The following ITFG1 variants were observed in gnomAD, a reference collection of about 807,000 sequenced individuals.
The protein encoded by ITFG1 is integrin alpha FG-GAP repeat containing 1, also known as T-cell immunomodulatory protein.
Under a neutral mutation model 81.8 loss-of-function variants are expected in ITFG1, and 34 were observed. The ratio of observed to expected loss-of-function variants is 0.42; its 90% CI spans 0.32 to 0.55. The LOEUF is 0.55. ITFG1 is among the 20% of genes least tolerant of loss of function. The pLI, the probability that ITFG1 is intolerant of heterozygous loss-of-function variation, is 0.17. For missense variants in ITFG1, 672 were observed against 755.4 expected (o/e 0.89, Z 1.29); for synonymous variants, 285 against 270.6 (o/e 1.05, Z -0.52).
chr16:47,319,003 T>C (rs1967408335), intron 8 of ITFG1, among the ~76,000 whole-genome samples: 1 of 152,210 alleles, frequency 6.6e-6, no homozygotes, highest in Non-Finnish European at 1.5e-5. Flanking sequence ...TAAAGCCATA[T>C]CAATGAATTT....
chr16:47,282,484 A>C (rs1179655261), intron 10 of ITFG1, among the ~76,000 whole-genome samples: 1 of 152,082 alleles, frequency 6.6e-6, no homozygotes, highest in East Asian at 1.9e-4. Context: ...TTTTTTATCC[A>C]ATCATCTGTT....
At chr16:47,257,040 C>G (rs1024635100) in intron 12 of ITFG1, among the ~76,000 whole-genome samples, 1 of 152,178 alleles carries the variant, frequency 6.6e-6, no homozygotes, top group Non-Finnish European at 1.5e-5. Flanking sequence ...AACTCTATAG[C>G]TAATATAACA....
chr16:47,398,119 G>T (rs1158234647), intron 6 of ITFG1, among the ~76,000 whole-genome samples: 1 of 152,194 alleles, frequency 6.6e-6, no homozygotes, highest in Non-Finnish European at 1.5e-5. Context: ...CAGTAGGCTA[G>T]CTTGAAATTC....
intron 10 of ITFG1, among the ~76,000 whole-genome samples, chr16:47,261,176 G>A (rs1966205858): frequency 6.6e-6 from 1 of 152,178 alleles, no homozygotes; most frequent in African/African-American, 2.4e-5. Context: ...AGCATCATAC[G>A]TTGCATAGCC....
At chr16:47,282,136 G>T (rs897434201) in intron 10 of ITFG1, among the ~76,000 whole-genome samples, 1 of 151,496 alleles carries the variant, frequency 6.6e-6, no homozygotes, top group Admixed American at 6.6e-5. Context: ...CAGTACAGTA[G>T]TATATATTGT....
chr16:47,397,425 C>T (rs1444636270), intron 6 of ITFG1, among the ~76,000 whole-genome samples: 1 of 152,102 alleles, frequency 6.6e-6, no homozygotes, highest in Non-Finnish European at 1.5e-5. Context: ...AAAACAGTAA[C>T]AAGTCTTAGA....
At chr16:47,417,051 T>A (rs978614533) in intron 6 of ITFG1, among the ~76,000 whole-genome samples, 1 of 152,226 alleles carries the variant, frequency 6.6e-6, no homozygotes, top group Non-Finnish European at 1.5e-5. Flanking sequence ...GCTAGACTTG[T>A]CAGCTACTCC....
At chr16:47,330,538 C>A (rs1013347836) in intron 8 of ITFG1, among the ~76,000 whole-genome samples, 1 of 152,052 alleles carries the variant, frequency 6.6e-6, no homozygotes, top group African/African-American at 2.4e-5. Context: ...AGTAAAAAGA[C>A]AACCTATAGA....
chr16:47,337,517 C>G (rs1373154572), intron 8 of ITFG1, among the ~76,000 whole-genome samples: 1 of 152,084 alleles, frequency 6.6e-6, no homozygotes, highest in East Asian at 1.9e-4. Context: ...TTGCAGTGAG[C>G]CAAGGTCGCG....
At chr16:47,359,644 C>T (rs1968084481) in intron 8 of ITFG1, among the ~76,000 whole-genome samples, 1 of 152,188 alleles carries the variant, frequency 6.6e-6, no homozygotes, top group African/African-American at 2.4e-5. Context: ...CCTTTGTCCA[C>T]AAAGCACTAC....
intron 10 of ITFG1, among the ~76,000 whole-genome samples, chr16:47,274,735 T>A (rs1356088148): frequency 6.6e-6 from 1 of 152,012 alleles, no homozygotes; most frequent in Non-Finnish European, 1.5e-5. Context: ...CTATATATCC[T>A]TATATAGACG....
At chr16:47,233,910 C>T (rs936493277) in intron 13 of ITFG1, among the ~76,000 whole-genome samples, 7 of 152,152 alleles carry the variant, frequency 4.6e-5, no homozygotes, top group African/African-American at 9.7e-5. Context: ...GAGTCTGTAG[C>T]GAAACCGACA....
At chr16:47,397,152 AC>A (rs1968604006) in intron 6 of ITFG1, among the ~76,000 whole-genome samples, 1 of 152,222 alleles carries the variant, frequency 6.6e-6, no homozygotes, top group African/African-American at 2.4e-5. Flanking sequence ...ATCTCTAAAC[AC>A]CAAAATATGA....
intron 10 of ITFG1, among the ~76,000 whole-genome samples, chr16:47,273,638 C>A (rs1341606783): frequency 6.6e-6 from 1 of 151,998 alleles, no homozygotes; most frequent in Non-Finnish European, 1.5e-5. Flanking sequence ...AAAAAGGAAG[C>A]GAGCATCTTT....
At chr16:47,268,499 C>T (rs1966303213) in intron 10 of ITFG1, among the ~76,000 whole-genome samples, 1 of 152,208 alleles carries the variant, frequency 6.6e-6, no homozygotes, top group Non-Finnish European at 1.5e-5. Flanking sequence ...TACTTCCCAA[C>T]TCATCCTGTG....
At chr16:47,288,989 T>C (rs984698310) in intron 10 of ITFG1, among the ~76,000 whole-genome samples, 1 of 152,224 alleles carries the variant, frequency 6.6e-6, no homozygotes, top group Admixed American at 6.5e-5. Flanking sequence ...GGCAGTAGGT[T>C]TGTCATATAT....
chr16:47,284,568 T>A (rs1379527010), intron 10 of ITFG1, among the ~76,000 whole-genome samples: 2 of 152,246 alleles, frequency 1.3e-5, no homozygotes, highest in East Asian at 3.9e-4. Flanking sequence ...ATAAATACAA[T>A]CCAAACAGCT....
intron 8 of ITFG1, among the ~76,000 whole-genome samples, chr16:47,331,864 T>C (rs1967641686): frequency 1.3e-5 from 2 of 152,176 alleles, no homozygotes; most frequent in Non-Finnish European, 2.9e-5. Flanking sequence ...ACGATAAACA[T>C]CTTTAATTCC....
chr16:47,406,538 C>T (rs1413530371), intron 6 of ITFG1, among the ~76,000 whole-genome samples: 1 of 152,152 alleles, frequency 6.6e-6, no homozygotes, highest in African/African-American at 2.4e-5. Context: ...TCTCTTTTCT[C>T]CCCCAAAATG....
Sources: allele counts gnomAD v4.1 joint callset (sites outside exome capture counted in the v4.1 genomes callset), GRCh38; gene constraint gnomAD v4.1.1; transcripts MANE v1.5; gene names NCBI Gene and HGNC (gene_info 2026-07-23, HGNC 2026-07-21).